The following NEMP2 variants were observed in gnomAD, a reference collection of about 807,000 sequenced individuals.
NEMP2 encodes the protein UPF0571 transmembrane protein.
A neutral mutation model predicts 54.2 loss-of-function variants in NEMP2; 53 were observed. That is an observed-to-expected ratio of 0.98 (90% CI 0.78 to 1.23). The LOEUF is 1.23. NEMP2 is among the 50% of genes most tolerant of loss of function. The pLI, the probability that NEMP2 is intolerant of heterozygous loss-of-function variation, is 0.00. For missense variants in NEMP2, 455 were observed against 511.3 expected, an observed-to-expected ratio of 0.89 and a Z score of 1.06; for synonymous variants, 197 against 190.3, an observed-to-expected ratio of 1.04 and a Z score of -0.29.
At chr2:190,590,595 C>T in the NEMP2 span, among the ~76,000 whole-genome samples, 1 of 152,164 alleles carries the variant, frequency 6.6e-6, no homozygotes, top group Non-Finnish European at 1.5e-5. The surrounding 1 kb of genome is among the most constrained non-coding windows in gnomAD (Gnocchi z 5.1). Flanking sequence ...GCCAGTCTTA[C>T]TGGGAAGGGA....
chr2:190,582,213 C>T, the NEMP2 span, among the ~76,000 whole-genome samples: 1 of 152,124 alleles, frequency 6.6e-6, no homozygotes, highest in Non-Finnish European at 1.5e-5. The surrounding 1 kb of genome is among the most constrained non-coding windows in gnomAD (Gnocchi z 4.6). Context: ...GATAGAGGCT[C>T]CATTATCTCT....
At chr2:190,618,727 G>A in the NEMP2 span, among the ~76,000 whole-genome samples, 1 of 152,102 alleles carries the variant, frequency 6.6e-6, no homozygotes, top group East Asian at 1.9e-4. Flanking sequence ...CTACTGGCAC[G>A]TTTCACCAAG....
At chr2:190,471,641 T>C in the NEMP2 span, among the ~76,000 whole-genome samples, 2 of 152,172 alleles carry the variant, frequency 1.3e-5, no homozygotes, top group Non-Finnish European at 2.9e-5. This position sits in a 1 kb window ranked among gnomAD's most constrained non-coding sequence, Gnocchi z 4.7. Context: ...GAGGCCTGCC[T>C]GCCTCAGTAA....
the NEMP2 span, chr2:190,437,676 G>A: frequency 7.9e-7 from 1 of 1,259,626 alleles, no homozygotes; most frequent in East Asian, 2.4e-5. This position sits in a 1 kb window ranked among gnomAD's most constrained non-coding sequence, Gnocchi z 5.9. Context: ...GGATAGGGTT[G>A]GAGTGGAAAT....
chr2:190,481,800 A>G, the NEMP2 span, among the ~76,000 whole-genome samples: 7 of 152,238 alleles, frequency 4.6e-5, no homozygotes, highest in East Asian at 1.2e-3. Context: ...TCTTATATAA[A>G]CTTTCTTTCG....
the NEMP2 span, among the ~76,000 whole-genome samples, chr2:190,449,930 G>A: frequency 3.3e-5 from 5 of 151,930 alleles, no homozygotes; most frequent in African/African-American, 7.2e-5. Context: ...CGAGTTAATG[G>A]GTGCAGCACA....
At chr2:190,447,181 T>A in the NEMP2 span, among the ~76,000 whole-genome samples, 1 of 152,084 alleles carries the variant, frequency 6.6e-6, no homozygotes, top group East Asian at 1.9e-4. This position sits in a 1 kb window ranked among gnomAD's most constrained non-coding sequence, Gnocchi z 4.5. Flanking sequence ...TTTAACACAA[T>A]GAGTATTAGA....
the NEMP2 span, chr2:190,436,914 C>T: frequency 0.011 from 17,372 of 1,614,172 alleles, 118 homozygotes; most frequent in Non-Finnish European, 0.012. This position sits in a 1 kb window ranked among gnomAD's most constrained non-coding sequence, Gnocchi z 5.3. Flanking sequence ...TGGTAGTTGT[C>T]ATAATAGGAG....
At chr2:190,645,333 A>G in the NEMP2 span, among the ~76,000 whole-genome samples, 1 of 152,212 alleles carries the variant, frequency 6.6e-6, no homozygotes, top group Non-Finnish European at 1.5e-5. Flanking sequence ...GTATTTATTA[A>G]CCCTTTGTAA....
At chr2:190,429,045 C>T in the NEMP2 span, among the ~76,000 whole-genome samples, 6 of 151,960 alleles carry the variant, frequency 3.9e-5, no homozygotes, top group African/African-American at 7.3e-5. Context: ...CTTTCACTGG[C>T]GATTAATCAA....
At position 190,507,884 on chromosome 2, in the gene NEMP2, A is replaced by T. The variant is rs1214075087; in HGVS notation, c.*1305T>A. Reference sequence around the variant, plus strand: ...TTGTCCTGATAAAAAGATTATTTTTATGATCCCATCACAGGAAAAAAAGCC... The same window carrying T: ...TTGTCCTGATAAAAAGATTATTTTTTTGATCCCATCACAGGAAAAAAAGCC... On this transcript the variant is annotated 3_prime_UTR_variant, in exon 9 of 9. Coordinates refer to ENST00000409150, the MANE Select transcript of NEMP2 (RefSeq NM_001142645.2). This position sits in a 1 kb window ranked among gnomAD's most constrained non-coding sequence, Gnocchi z 4.4. 6.6e-6 allele frequency: 1 copy of T among 152,228 alleles called. No individual in the cohort carries two copies. The highest frequency in any genetic ancestry group is 1.9e-4 in the East Asian group (1 of 5,200). The allele number at this position is 152,228 out of a possible 1,614,324, so 9.4% of individuals were successfully genotyped here. A position where few individuals can be genotyped will look rare whatever the true frequency, so the allele number is the denominator to read the frequency against.
the NEMP2 span, among the ~76,000 whole-genome samples, chr2:190,634,765 A>T: frequency 6.6e-6 from 1 of 152,238 alleles, no homozygotes; most frequent in Non-Finnish European, 1.5e-5. The surrounding 1 kb of genome is among the most constrained non-coding windows in gnomAD (Gnocchi z 6.8). Context: ...TACTGCTGTC[A>T]GCTAGACCCA....
chr2:190,621,544 A>G, the NEMP2 span, among the ~76,000 whole-genome samples: 6 of 151,936 alleles, frequency 3.9e-5, no homozygotes, highest in Non-Finnish European at 8.8e-5. Context: ...GTACTCCCCA[A>G]ATTGACCTAT....
chr2:190,609,727 T>A, the NEMP2 span: 3 of 152,302 alleles, frequency 2.0e-5, no homozygotes, highest in East Asian at 5.8e-4. This position sits in a 1 kb window ranked among gnomAD's most constrained non-coding sequence, Gnocchi z 4.7. Context: ...TCTATCATGC[T>A]TGTATATTTA....
the NEMP2 span, among the ~76,000 whole-genome samples, chr2:190,460,853 A>G: frequency 6.6e-6 from 1 of 152,314 alleles, no homozygotes; most frequent in Non-Finnish European, 1.5e-5. Flanking sequence ...CAAGGTGACA[A>G]GGAAAGATGT....
chr2:190,549,269 T>C, the NEMP2 span, among the ~76,000 whole-genome samples: 3 of 152,266 alleles, frequency 2.0e-5, no homozygotes, highest in African/African-American at 7.2e-5. Flanking sequence ...ATAAAATGTC[T>C]GACTGACTCT....
At chr2:190,438,149 A>G in the NEMP2 span, among the ~76,000 whole-genome samples, 5 of 152,048 alleles carry the variant, frequency 3.3e-5, no homozygotes, top group East Asian at 5.8e-4. This position sits in a 1 kb window ranked among gnomAD's most constrained non-coding sequence, Gnocchi z 5.2. Context: ...TCTGTCCACC[A>G]TGAAGACATA....
the NEMP2 span, among the ~76,000 whole-genome samples, chr2:190,482,903 T>TTTTTTTTTTTTTTTTTG: frequency 2.4e-3 from 211 of 86,234 alleles, 82 homozygotes; most frequent in East Asian, 5.7e-3. Flanking sequence ...TTTTTTTTTT[T>TTTTTTTTTTTTTTTTTG]AGACGGAGTC....
the NEMP2 span, among the ~76,000 whole-genome samples, chr2:190,449,819 A>T: frequency 1.2e-4 from 18 of 151,914 alleles, no homozygotes; most frequent in East Asian, 9.7e-4. Context: ...AACAATGAGA[A>T]CACATGGACA....
Sources: allele counts gnomAD v4.1 joint callset (sites outside exome capture counted in the v4.1 genomes callset), GRCh38; gene constraint gnomAD v4.1.1; non-coding constraint Gnocchi (gnomAD v3.1); transcripts MANE v1.5; gene names NCBI Gene and HGNC (gene_info 2026-07-23, HGNC 2026-07-21).